SPOCK1: variants seen among roughly 807,000 people sequenced by gnomAD.
The protein encoded by SPOCK1 is testican-1.
In SPOCK1, 23 loss-of-function variants were observed where a neutral mutation model predicts 55.3. The observed-to-expected ratio is 0.42, with a 90% CI of 0.30 to 0.59. The LOEUF (loss-of-function observed/expected upper bound fraction) is 0.59, where lower values mean the gene tolerates loss of function less well. Ranked by LOEUF, SPOCK1 falls within the 20% of genes least tolerant of loss-of-function variation. The probability of loss-of-function intolerance (pLI) is 0.22; values close to 1 mark genes in which losing one functional copy is unlikely to be tolerated. For missense variants in SPOCK1, 499 were observed against 552.5 expected, an observed-to-expected ratio of 0.90 and a Z score of 0.97; for synonymous variants, 226 against 221.0, an observed-to-expected ratio of 1.02 and a Z score of -0.20.
At chr5:137,044,793 C>A (rs11953556) in intron 6 of SPOCK1, among the ~76,000 whole-genome samples, 5 of 132,988 alleles carry the variant, frequency 3.8e-5, no homozygotes, top group South Asian at 2.8e-4. Context: ...TCCCTCCCCC[C>A]TCCCCCGACC....
chr5:137,326,385 AC>A (rs1758077744), intron 2 of SPOCK1, among the ~76,000 whole-genome samples: 2 of 152,180 alleles, frequency 1.3e-5, no homozygotes, highest in African/African-American at 4.8e-5. Context: ...TACCTTCAGA[AC>A]CTGAGCTCTT....
chr5:137,291,435 C>T (rs955730349), intron 2 of SPOCK1, among the ~76,000 whole-genome samples: 3 of 152,198 alleles, frequency 2.0e-5, no homozygotes, highest in Non-Finnish European at 4.4e-5. Context: ...TGTGTAATTC[C>T]TTCACCTGAA....
intron 2 of SPOCK1, among the ~76,000 whole-genome samples, chr5:137,356,986 G>T (rs541263741): frequency 6.6e-6 from 1 of 150,436 alleles, no homozygotes; most frequent in East Asian, 2.0e-4. Flanking sequence ...CTTTACAGGA[G>T]CTTCTCCTGT....
intron 3 of SPOCK1, among the ~76,000 whole-genome samples, chr5:137,164,619 C>A (rs956313765): frequency 6.6e-6 from 1 of 152,170 alleles, no homozygotes; most frequent in Non-Finnish European, 1.5e-5. Flanking sequence ...CTCTTGGAAT[C>A]CCTGCTTCCA....
intron 2 of SPOCK1, among the ~76,000 whole-genome samples, chr5:137,296,401 C>T (rs1016461358): frequency 1.3e-5 from 2 of 152,174 alleles, no homozygotes; most frequent in Non-Finnish European, 2.9e-5. Flanking sequence ...CATTTCTAGT[C>T]ACGAGTGATG....
intron 2 of SPOCK1, among the ~76,000 whole-genome samples, chr5:137,449,342 C>A (rs559500826): frequency 6.6e-6 from 1 of 152,210 alleles, no homozygotes; most frequent in African/African-American, 2.4e-5. Flanking sequence ...TCTGCTCTAC[C>A]CCACCTCTCT....
At chr5:137,062,430 T>G (rs576785401) in intron 6 of SPOCK1, among the ~76,000 whole-genome samples, 1 of 152,020 alleles carries the variant, frequency 6.6e-6, no homozygotes, top group East Asian at 1.9e-4. Flanking sequence ...ATGCTCAGGT[T>G]CAGAAGGGGT....
intron 5 of SPOCK1, among the ~76,000 whole-genome samples, chr5:137,096,932 G>T (rs1032518703): frequency 6.6e-6 from 1 of 152,110 alleles, no homozygotes; most frequent in Non-Finnish European, 1.5e-5. Context: ...TCCACCTATG[G>T]GCCAAGGGAG....
chr5:137,476,262 T>C (rs1002559994), intron 2 of SPOCK1, among the ~76,000 whole-genome samples: 1 of 152,016 alleles, frequency 6.6e-6, no homozygotes, highest in Admixed American at 6.6e-5. Context: ...TGGAAGAATA[T>C]GTAAGAAATT....
At chr5:137,410,668 G>C (rs752504800) in intron 2 of SPOCK1, among the ~76,000 whole-genome samples, 4 of 152,236 alleles carry the variant, frequency 2.6e-5, no homozygotes, top group African/African-American at 4.8e-5. Flanking sequence ...CTTTGCCTAT[G>C]GCATATCACA....
intron 2 of SPOCK1, among the ~76,000 whole-genome samples, chr5:137,349,891 A>G (rs1750638781): frequency 6.6e-6 from 1 of 152,010 alleles, no homozygotes; most frequent in East Asian, 1.9e-4. Context: ...TAAAGACTCT[A>G]TTTCCAAATT....
chr5:137,438,016 G>T (rs1172166712), intron 2 of SPOCK1, among the ~76,000 whole-genome samples: 1 of 152,144 alleles, frequency 6.6e-6, no homozygotes, highest in Non-Finnish European at 1.5e-5. Context: ...AACAGTATTT[G>T]TCTGTTTGTG....
intron 5 of SPOCK1, among the ~76,000 whole-genome samples, chr5:137,097,381 C>T (rs548377635): frequency 2.0e-5 from 3 of 152,258 alleles, no homozygotes; most frequent in East Asian, 1.9e-4. Flanking sequence ...CTTAGTCTTC[C>T]AACATAACCC....
At chr5:137,313,472 G>A in intron 2 of SPOCK1, 1 of 985,396 alleles carries the variant, frequency 1.0e-6, no homozygotes, top group Non-Finnish European at 1.2e-6. Context: ...GCACAGGCCG[G>A]GCACCTGTGA....
At chr5:137,280,725 C>A (rs1004245830) in intron 2 of SPOCK1, among the ~76,000 whole-genome samples, 1 of 152,194 alleles carries the variant, frequency 6.6e-6, no homozygotes, top group Non-Finnish European at 1.5e-5. Context: ...AAATTACATT[C>A]TCTTGCAAGT....
intron 3 of SPOCK1, among the ~76,000 whole-genome samples, chr5:137,141,159 G>A (rs1754090361): frequency 6.6e-6 from 1 of 152,210 alleles, no homozygotes; most frequent in Admixed American, 6.5e-5. Flanking sequence ...CAGAATGAAA[G>A]CCCAAGCCAG....
At chr5:137,486,532 T>G (rs997329110) in intron 2 of SPOCK1, among the ~76,000 whole-genome samples, 1 of 152,190 alleles carries the variant, frequency 6.6e-6, no homozygotes, top group Non-Finnish European at 1.5e-5. Context: ...ACATCCTAAG[T>G]GCATAGCACG....
chr5:137,128,907 A>G (rs1753825252), intron 4 of SPOCK1, among the ~76,000 whole-genome samples: 2 of 152,254 alleles, frequency 1.3e-5, no homozygotes, highest in East Asian at 3.9e-4. Context: ...AACCTCCTCT[A>G]CTAGTCTACA....
chr5:137,197,196 C>T (rs1352159653), intron 3 of SPOCK1, among the ~76,000 whole-genome samples: 1 of 152,208 alleles, frequency 6.6e-6, no homozygotes, highest in African/African-American at 2.4e-5. Flanking sequence ...CTCTGGAACT[C>T]ATATGTCCAG....
Sources: allele counts gnomAD v4.1 joint callset (sites outside exome capture counted in the v4.1 genomes callset), GRCh38; gene constraint gnomAD v4.1.1; transcripts MANE v1.5; gene names NCBI Gene and HGNC (gene_info 2026-07-23, HGNC 2026-07-21).